NEB: variants seen among roughly 807,000 people sequenced by gnomAD.
The protein encoded by NEB is nemaline myopathy type 2.
In NEB, 512 loss-of-function variants were observed where a neutral mutation model predicts 952.2. The ratio of observed to expected loss-of-function variants is 0.54; its 90% confidence interval spans 0.50 to 0.58. NEB has a LOEUF of 0.58. NEB is among the 20% of genes least tolerant of loss of function. The pLI, the probability that NEB is intolerant of heterozygous loss-of-function variation, is 0.00. For missense variants in NEB, 8,428 were observed against 9,231.1 expected, an observed-to-expected ratio of 0.91 and a Z score of 3.56; for synonymous variants, 2,900 against 3,149.8, an observed-to-expected ratio of 0.92 and a Z score of 2.66.
intron 163 of NEB, 107 bp downstream of exon 163, chr2:151,506,799 TGAG>T: frequency 2.7e-6 from 2 of 729,496 alleles, no homozygotes; most frequent in South Asian, 3.3e-5. Context: ...CTAGTATTAC[TGAG>T]GAGGTTAGAT....
At chr2:151,491,453 A>G (rs1043195292) in intron 179 of NEB, 4 of 376,092 alleles carry the variant, frequency 1.1e-5, no homozygotes, top group Non-Finnish European at 2.0e-5. Flanking sequence ...ATTAGAAATG[A>G]TAATAATGGG....
chr2:151,506,629 AAAAG>A (rs2069150970), intron 163 of NEB, among the ~76,000 whole-genome samples: 1 of 152,256 alleles, frequency 6.6e-6, no homozygotes, highest in Non-Finnish European at 1.5e-5. Context: ...CACAATGTCA[AAAAG>A]AAATCCATCT....
At chr2:151,656,890 C>T (rs1459695372) in intron 48 of NEB, among the ~76,000 whole-genome samples, 2 of 151,768 alleles carry the variant, frequency 1.3e-5, no homozygotes, top group Non-Finnish European at 2.9e-5. Context: ...CTTAATGCTG[C>T]CCTGAGAAAT....
intron 54 of NEB, 80 bp downstream of exon 54, chr2:151,650,096 C>T (rs1422698988): frequency 7.5e-7 from 1 of 1,327,114 alleles, no homozygotes; most frequent in Non-Finnish European, 1.1e-6. Flanking sequence ...TGTGGTTCTA[C>T]TCATTTATTA....
chr2:151,501,286 A>AGAT (rs2064306869), intron 168 of NEB, 105 bp downstream of exon 168: 1 of 759,428 alleles, frequency 1.3e-6, no homozygotes, highest in East Asian at 2.8e-5. Context: ...GATTAAAAAA[A>AGAT]GATTTTGTTA....
At position 151,524,311 on chromosome 2, in the gene NEB, C is replaced by G. The variant is rs1474341248; in HGVS notation, c.22479G>C (p.Gln7493His). 1 of 1,613,266 alleles carries G rather than the reference C, an allele frequency of 6.2e-7. No homozygotes were observed. The highest frequency in any genetic ancestry group is 8.5e-7 in the Non-Finnish European group (1 of 1,179,420). Residue 7493 changes from glutamine to histidine, a missense_variant and splice_region_variant, in exon 153 of 182, where the codon CAG becomes CAC. Physicochemically the swap from Gln to His is conservative, Grantham distance 24. Around this residue, in one of 11 missense-constraint regions of NEB, gnomAD observed 3,374 missense variants for 3,651.5 expected, o/e 0.92. Coordinates refer to ENST00000397345, the MANE Select transcript of NEB (RefSeq NM_001164508.2). ...CCACCAGTGCACCCATCTGCATTACCTGGCTGCTCAGCTTGGCTGCCTTCT... is the reference window on the plus strand; with the variant it reads ...CCACCAGTGCACCCATCTGCATTACGTGGCTGCTCAGCTTGGCTGCCTTCT... ...MAKKAAKLSSQVKYRENFDKE... is the reference protein window; with the variant it reads ...MAKKAAKLSSHVKYRENFDKE...
At chr2:151,660,895 A>G (rs1213748909) in intron 46 of NEB, among the ~76,000 whole-genome samples, 1 of 152,230 alleles carries the variant, frequency 6.6e-6, no homozygotes, top group African/African-American at 2.4e-5. Flanking sequence ...AGGCCGATTG[A>G]GTACTTGAAA....
chr2:151,618,744 T>C (rs2098291382), intron 73 of NEB, among the ~76,000 whole-genome samples: 1 of 152,154 alleles, frequency 6.6e-6, no homozygotes, highest in Admixed American at 6.5e-5. Context: ...TATTACAAGA[T>C]TTTTACAGAG....
chr2:151,610,135 A>G lies in NEB; in HGVS notation c.12019-15T>C, dbSNP rs1206319887. ...TTGTATTTGTACTAAAATGCCAGAAATACAGGTGGAGACATCCAGTTTTAA... is the reference window on the plus strand; with the variant it reads ...TTGTATTTGTACTAAAATGCCAGAAGTACAGGTGGAGACATCCAGTTTTAA... On this transcript the variant is annotated splice_polypyrimidine_tract_variant and intron_variant, in intron 80 of 181. Transcript: ENST00000397345. 1.3e-6 allele frequency: 2 copies of G among 1,592,084 alleles called. No homozygotes were observed. The highest frequency in any genetic ancestry group is 1.7e-6 in the Non-Finnish European group (2 of 1,166,560).
intron 117 of NEB, among the ~76,000 whole-genome samples, chr2:151,564,227 T>C (rs1559982490): frequency 6.6e-6 from 1 of 152,160 alleles, no homozygotes; most frequent in African/African-American, 2.4e-5. Flanking sequence ...TGATCTAAGC[T>C]CACTGCAAAC....
intron 173 of NEB, among the ~76,000 whole-genome samples, chr2:151,495,629 A>G (rs1043006570): frequency 2.2e-4 from 34 of 152,230 alleles, no homozygotes; most frequent in Admixed American, 3.9e-4. Context: ...GAAATGGTTT[A>G]CTAAAGTTTG....
chr2:151,500,686 TC>T (rs1193403321), intron 168 of NEB, among the ~76,000 whole-genome samples: 10 of 151,292 alleles, frequency 6.6e-5, no homozygotes, highest in Admixed American at 4.6e-4. Context: ...AGCCTTGACT[TC>T]CTAGGGTTCA....
At chr2:151,685,155 T>C (rs920720385) in intron 27 of NEB, among the ~76,000 whole-genome samples, 180 bp from the exon 28 acceptor site, 1 of 152,110 alleles carries the variant, frequency 6.6e-6, no homozygotes. Flanking sequence ...AAAGCACGCA[T>C]GGGCAGACCT....
At chr2:151,540,323 A>T (rs74916574) in intron 138 of NEB, 21 bp downstream of exon 138, 2 of 1,469,246 alleles carry the variant, frequency 1.4e-6, no homozygotes, top group East Asian at 4.8e-5. Context: ...ACAACAGAAG[A>T]AAAAAGGAAG....
intron 142 of NEB, among the ~76,000 whole-genome samples, chr2:151,533,905 T>G (rs1165392299): frequency 6.6e-6 from 1 of 152,268 alleles, no homozygotes; most frequent in East Asian, 1.9e-4. Context: ...TGTTTGTTTA[T>G]TTTTTGCTTT....
Position 151,537,869 on chromosome 2 carries a change from C to A in NEB, c.21102+3G>T. ...TGTGAAAATAGAAGATGTCAACACT[C>A]ACATCACTGACTGTGTCAGTGACTG... On this transcript the variant is annotated splice_donor_region_variant and intron_variant, in intron 140 of 181. Transcript: ENST00000397345. The A allele has an allele frequency of 6.3e-7, 1 of 1,579,304 alleles. No homozygotes were observed. Among genetic ancestry groups the A allele is most frequent in the Non-Finnish European group, 8.6e-7 (1 of 1,160,282 alleles).
At chr2:151,659,815 T>A (rs1461405271) in intron 46 of NEB, among the ~76,000 whole-genome samples, 2 of 152,330 alleles carry the variant, frequency 1.3e-5, no homozygotes, top group East Asian at 3.9e-4. Context: ...TAATATAGGT[T>A]AGACATATTT....
chr2:151,612,843 T>G (rs953546650), intron 77 of NEB, among the ~76,000 whole-genome samples: 4 of 152,222 alleles, frequency 2.6e-5, no homozygotes, highest in African/African-American at 9.6e-5. Flanking sequence ...ATGTGTTTTT[T>G]TGGGGATAAA....
chr2:151,571,684 A>G (rs1046864035), intron 107 of NEB, among the ~76,000 whole-genome samples: 1 of 152,256 alleles, frequency 6.6e-6, no homozygotes, highest in Non-Finnish European at 1.5e-5. Context: ...ACTGATTTAC[A>G]AGTATTTTAA....
Sources: allele counts gnomAD v4.1 joint callset (sites outside exome capture counted in the v4.1 genomes callset), GRCh38; gene constraint gnomAD v4.1.1; regional missense constraint gnomAD v4.1.1; transcripts MANE v1.5; gene names NCBI Gene and HGNC (gene_info 2026-07-23, HGNC 2026-07-21).